GAS7: variants seen among roughly 807,000 people sequenced by gnomAD.
The protein encoded by GAS7 is growth arrest-specific protein 7.
GAS7 carries 28 observed loss-of-function variants against 71.1 expected under a neutral mutation model. The ratio of observed to expected loss-of-function variants is 0.39; its 90% CI spans 0.29 to 0.54. GAS7 has a LOEUF of 0.54. Ranked by LOEUF, GAS7 falls within the 20% of genes least tolerant of loss-of-function variation. GAS7 has a pLI of 0.62. For missense variants in GAS7, 436 were observed against 627.8 expected (o/e 0.69, Z 3.27); for synonymous variants, 258 against 245.8 (o/e 1.05, Z -0.46).
intron 1 of GAS7, among the ~76,000 whole-genome samples, chr17:10,162,311 A>ACAT (rs1371991039): frequency 6.6e-6 from 1 of 152,150 alleles, no homozygotes; most frequent in Non-Finnish European, 1.5e-5. Context: ...AGGGGGAAAA[A>ACAT]CATCACACTG....
chr17:9,997,066 G>C (rs2071075944), intron 2 of GAS7, among the ~76,000 whole-genome samples: 1 of 152,132 alleles, frequency 6.6e-6, no homozygotes, highest in Non-Finnish European at 1.5e-5. Context: ...AACAGACTCA[G>C]CCAGACTAGT....
intron 1 of GAS7, among the ~76,000 whole-genome samples, chr17:10,087,697 A>T (rs2073534767): frequency 6.6e-6 from 1 of 152,154 alleles, no homozygotes; most frequent in African/African-American, 2.4e-5. Flanking sequence ...GTCCTGGGGG[A>T]GATTGAACAT....
intron 1 of GAS7, among the ~76,000 whole-genome samples, chr17:10,157,744 CA>C (rs1378441830): frequency 6.6e-6 from 1 of 152,176 alleles, no homozygotes; most frequent in East Asian, 1.9e-4. Context: ...ACCCTCCCCG[CA>C]AAAAATTTAA....
At chr17:10,159,645 G>A (rs966864042) in intron 1 of GAS7, among the ~76,000 whole-genome samples, 2 of 152,102 alleles carry the variant, frequency 1.3e-5, no homozygotes, top group African/African-American at 4.8e-5. Context: ...AGTCAAGATC[G>A]GGGTCACCTT....
chr17:10,077,912 G>T (rs1323510821), intron 1 of GAS7, among the ~76,000 whole-genome samples: 1 of 152,134 alleles, frequency 6.6e-6, no homozygotes, highest in Non-Finnish European at 1.5e-5. Flanking sequence ...AGATAAAGAT[G>T]ACAACTATTT....
intron 1 of GAS7, among the ~76,000 whole-genome samples, chr17:10,167,673 T>C (rs763932440): frequency 6.6e-5 from 10 of 152,202 alleles, no homozygotes; most frequent in Non-Finnish European, 1.5e-4. Flanking sequence ...TCTTTTTTTT[T>C]CTGTGTCTTT....
intron 1 of GAS7, among the ~76,000 whole-genome samples, chr17:10,037,860 G>A (rs72807401): frequency 0.12 from 18,118 of 151,730 alleles, 1,287 homozygotes; most frequent in Middle Eastern, 0.16. Flanking sequence ...GTTACCCCGG[G>A]TCCAAAAAGA....
At chr17:10,058,856 T>C (rs796807404) in intron 1 of GAS7, among the ~76,000 whole-genome samples, 4 of 152,292 alleles carry the variant, frequency 2.6e-5, no homozygotes, top group African/African-American at 9.6e-5. Context: ...GTCACACAGG[T>C]AGAAAGTGGC....
chr17:10,035,674 C>T (rs1418841897), intron 1 of GAS7, among the ~76,000 whole-genome samples: 6 of 152,124 alleles, frequency 3.9e-5, no homozygotes, highest in Non-Finnish European at 7.4e-5. Context: ...AGAGAGTGAT[C>T]ACCACTCTCT....
intron 1 of GAS7, among the ~76,000 whole-genome samples, chr17:10,067,502 A>T (rs1267000926): frequency 6.6e-6 from 1 of 151,814 alleles, no homozygotes; most frequent in African/African-American, 2.4e-5. Flanking sequence ...AGCCTCCCAA[A>T]GTGCTGGGAT....
intron 1 of GAS7, among the ~76,000 whole-genome samples, chr17:10,079,792 A>G (rs1310561146): frequency 2.0e-5 from 3 of 152,266 alleles, no homozygotes; most frequent in Admixed American, 1.3e-4. Flanking sequence ...TTAGCTCAGA[A>G]TAAAACTCTT....
At chr17:10,107,949 A>C (rs2073775412) in intron 1 of GAS7, among the ~76,000 whole-genome samples, 1 of 150,430 alleles carries the variant, frequency 6.6e-6, no homozygotes, top group Admixed American at 6.6e-5. Flanking sequence ...CACACAGTCC[A>C]GTGGGAGCTG....
chr17:10,024,452 C>T (rs1410000354), intron 1 of GAS7, among the ~76,000 whole-genome samples: 1 of 152,178 alleles, frequency 6.6e-6, no homozygotes, highest in African/African-American at 2.4e-5. Flanking sequence ...GTACTGGAAG[C>T]AGAGGTGACA....
intron 1 of GAS7, among the ~76,000 whole-genome samples, chr17:10,180,685 CCAAT>C (rs1465762527): frequency 6.6e-6 from 1 of 152,104 alleles, no homozygotes; most frequent in African/African-American, 2.4e-5. Context: ...ACTCTGTTCC[CCAAT>C]CAATCTTGTT....
At chr17:10,088,224 A>G (rs1311389303) in intron 1 of GAS7, among the ~76,000 whole-genome samples, 1 of 95,724 alleles carries the variant, frequency 1.0e-5, no homozygotes, top group African/African-American at 5.2e-5. Flanking sequence ...CTATCTCAAT[A>G]ATAATAATAA....
intron 2 of GAS7, among the ~76,000 whole-genome samples, chr17:9,990,268 C>CA (rs372321572): frequency 0.021 from 3,038 of 147,980 alleles, 51 homozygotes; most frequent in African/African-American, 0.039. Flanking sequence ...GACTCCATCT[C>CA]AAAAAAAAAA....
intron 1 of GAS7, among the ~76,000 whole-genome samples, chr17:10,069,087 A>C (rs60234717): frequency 0.021 from 3,156 of 152,284 alleles, 116 homozygotes; most frequent in African/African-American, 0.072. Context: ...CGTATTACTC[A>C]CATGAACAGT....
At chr17:9,993,889 GACAA>G (rs1359093120) in intron 2 of GAS7, among the ~76,000 whole-genome samples, 21 of 152,074 alleles carry the variant, frequency 1.4e-4, no homozygotes, top group Admixed American at 6.5e-5. Context: ...ACCAATAACA[GACAA>G]ACAGAGAGCC....
intron 1 of GAS7, among the ~76,000 whole-genome samples, chr17:10,196,566 G>A (rs899817097): frequency 3.9e-5 from 6 of 152,102 alleles, no homozygotes; most frequent in African/African-American, 1.4e-4. Context: ...CCCTGGCCCT[G>A]GTCCATCGTC....
Sources: gnomAD v4.1 joint callset for allele counts (sites outside exome capture counted in the v4.1 genomes callset) on GRCh38, gnomAD v4.1.1 for gene constraint, MANE v1.5 for transcripts, NCBI Gene and HGNC (gene_info 2026-07-23, HGNC 2026-07-21) for gene names.